Variants in ZNF155 observed in about 807,000 individuals in gnomAD.
ZNF155 encodes the protein zinc finger protein 155, also known as KRAB A domain.
A neutral mutation model predicts 11.9 loss-of-function variants in ZNF155; 15 were observed. That is an observed-to-expected ratio of 1.26 (90% CI 0.84 to 1.94). ZNF155 has a LOEUF of 1.94. Among genes scored for constraint, ZNF155 ranks in the 30% most tolerant of loss-of-function variants. ZNF155 has a pLI of 0.00. For missense variants in ZNF155, 602 were observed against 639.1 expected (o/e 0.94, Z 0.63); for synonymous variants, 212 against 219.9 (o/e 0.96, Z 0.32).
At position 43,997,195 on chromosome 19, in the gene ZNF155, C is replaced by T. The variant is rs1415979166; in HGVS notation, c.1338C>T (p.His446=). ...TTACTAAGTTTAATCTTGACTTGCA[C>T]CAGAGGGTCCACACGGGAGAGAGAC... ...GYVTKFNLDL[H]QRVHTGERPY... The change falls in exon 5 of 5, where the codon CAC becomes CAT. Residue 446 remains histidine, a synonymous_variant. Coordinates refer to ENST00000270014, the MANE Select transcript of ZNF155 (RefSeq NM_198089.3). 1 of 1,613,800 alleles carries T rather than the reference C, an allele frequency of 6.2e-7. No individual in the cohort carries two copies.
At chr19:43,986,401 G>A (rs889819366) in intron 1 of ZNF155, among the ~76,000 whole-genome samples, 10 of 149,696 alleles carry the variant, frequency 6.7e-5, no homozygotes, top group African/African-American at 2.5e-4. Context: ...GAATAAACTA[G>A]TAAACTGCCA....
At chr19:43,985,042 A>G (rs1337137332) in intron 1 of ZNF155, among the ~76,000 whole-genome samples, 2 of 152,018 alleles carry the variant, frequency 1.3e-5, no homozygotes, top group African/African-American at 4.8e-5. Flanking sequence ...AAAGTTATTT[A>G]TTTTGTTAGT....
intron 4 of ZNF155, among the ~76,000 whole-genome samples, chr19:43,995,206 G>C (rs1187741602): frequency 6.6e-6 from 1 of 151,860 alleles, no homozygotes; most frequent in African/African-American, 2.4e-5. Flanking sequence ...CTGCCTTCCA[G>C]GTTTAAGCAA....
chr19:43,996,666 T>A lies in ZNF155; in HGVS notation c.809T>A (p.Ile270Asn). 6.2e-7 allele frequency: 1 copy of A among 1,613,710 alleles called. No homozygotes were observed. ...TGTGAGGCATGTGGGAAGGCCTTCA[T>A]TCATGATTCCCAGCTTAAGGAACAT... Reference protein sequence around the residue: ...YICEACGKAFIHDSQLKEHKR... With the variant: ...YICEACGKAFNHDSQLKEHKR... The change falls in exon 5 of 5, where the codon ATT (isoleucine) becomes AAT (asparagine). Residue 270 changes from isoleucine (I) to asparagine (N), a missense_variant. Ile to Asn is a moderately radical substitution (Grantham distance 149). Coordinates refer to ENST00000270014, the MANE Select transcript of ZNF155 (RefSeq NM_198089.3).
chr19:43,989,687 A>G (rs1174077379), intron 2 of ZNF155, among the ~76,000 whole-genome samples: 1 of 152,200 alleles, frequency 6.6e-6, no homozygotes. Context: ...TCACTATGAC[A>G]TGGCATCTAC....
Position 43,996,522 on chromosome 19 carries a change from A to G in ZNF155, c.665A>G (p.His222Arg). The G allele has an allele frequency of 6.2e-7, 1 of 1,614,220 alleles. No individual in the cohort carries two copies. Among genetic ancestry groups the G allele is most frequent in the Non-Finnish European group, 8.5e-7 (1 of 1,180,022 alleles). ...EFSQSSHLQTHQRVHTGEKPF... is the reference protein window; with the variant it reads ...EFSQSSHLQTRQRVHTGEKPF... The stretch of plus-strand genomic sequence containing the variant: ...AGTCAAAGCTCACATCTGCAAACTC[A>G]TCAGAGAGTCCACACTGGAGAGAAA... The change falls in exon 5 of 5, where the codon CAT (histidine) becomes CGT (arginine). Residue 222 changes from histidine to arginine, a missense_variant. Coordinates refer to ENST00000270014, the MANE Select transcript of ZNF155 (RefSeq NM_198089.3).
In ZNF155 at chr19:43,997,453, A is replaced by T; in HGVS notation, c.1596A>T (p.Ser532=). ...KRRLNLDILL[S]LFLNDT is the part of the protein sequence containing the mutation. Reference sequence around the variant, plus strand: ...GCTTGAATCTGGATATACTTTTATCATTATTTCTAAATGACACATAATTGT... The same window carrying T: ...GCTTGAATCTGGATATACTTTTATCTTTATTTCTAAATGACACATAATTGT... Residue 532 remains serine, a synonymous_variant, in exon 5 of 5, where the codon TCA becomes TCT. Coordinates refer to ENST00000270014, the MANE Select transcript of ZNF155 (RefSeq NM_198089.3). The T allele has an allele frequency of 6.3e-7, 1 of 1,597,546 alleles. No individual in the cohort carries two copies. Among genetic ancestry groups the T allele is most frequent in the Non-Finnish European group, 8.5e-7 (1 of 1,175,624 alleles).
intron 4 of ZNF155, among the ~76,000 whole-genome samples, chr19:43,992,250 C>T (rs1261709654): frequency 6.6e-6 from 1 of 152,208 alleles, no homozygotes; most frequent in African/African-American, 2.4e-5. Flanking sequence ...CATTCTGCCT[C>T]TCTGACTACG....
Position 43,996,704 on chromosome 19 carries a change from A to C in ZNF155, c.847A>C (p.Thr283Pro), listed in dbSNP as rs1234890991. 1.9e-6 allele frequency: 3 copies of C among 1,614,164 alleles called. No homozygotes were observed. The highest frequency in any genetic ancestry group is 2.5e-6 in the Non-Finnish European group (3 of 1,180,006). Reference protein sequence around the residue: ...SQLKEHKRIHTGEKPFKCDIC... With the variant: ...SQLKEHKRIHPGEKPFKCDIC... Reference sequence around the variant, plus strand: ...GCTTAAGGAACATAAGAGAATCCATACTGGGGAGAAACCATTCAAATGTGA... The same window carrying C: ...GCTTAAGGAACATAAGAGAATCCATCCTGGGGAGAAACCATTCAAATGTGA... Residue 283 changes from threonine (T) to proline (P), a missense_variant, in exon 5 of 5, where the codon ACT becomes CCT. Coordinates refer to ENST00000270014, the MANE Select transcript of ZNF155 (RefSeq NM_198089.3).
chr19:43,988,628 T>A, intron 2 of ZNF155, 70 bp downstream of exon 2: 1 of 1,527,558 alleles, frequency 6.5e-7, no homozygotes, highest in South Asian at 1.3e-5. Flanking sequence ...TGTTTTTCTC[T>A]GTCATGAGAA....
rs534843816 is a variant in ZNF155 at position 43,991,065 on chromosome 19, A to G, written c.16-483A>G. Reference sequence around the variant, plus strand: ...TTCTATGTTTATTCTTCAAAACTATACACAAGAAAGAATGATTCAAGGCCA... The same window carrying G: ...TTCTATGTTTATTCTTCAAAACTATGCACAAGAAAGAATGATTCAAGGCCA... On this transcript the variant is annotated intron_variant, in intron 2 of 4. Coordinates refer to ENST00000270014, the MANE Select transcript of ZNF155 (RefSeq NM_198089.3). 9.2e-5 allele frequency among the ~76,000 whole-genome samples: 14 copies of G among 152,330 alleles called. No individual in the cohort carries two copies. In the South Asian group the frequency reaches 2.9e-3, roughly 32 times the overall value.
chr19:43,993,756 C>T (rs889129104), intron 4 of ZNF155, among the ~76,000 whole-genome samples: 3 of 152,176 alleles, frequency 2.0e-5, no homozygotes, highest in Non-Finnish European at 4.4e-5. Context: ...AATATATCTA[C>T]GTACCACTGT....
rs772529025 is a variant in ZNF155 at position 43,996,339 on chromosome 19, C to G, written c.482C>G (p.Pro161Arg). The G allele has an allele frequency of 1.2e-6, 2 of 1,614,038 alleles. No homozygotes were observed. Among genetic ancestry groups the G allele is most frequent in the African/African-American group, 1.3e-5 (1 of 74,912 alleles). ...GKCKQSISDV[P>R]IFDLPQQLYS... ...TGTAAACAGTCCATCAGTGATGTTCCCATCTTTGATCTTCCTCAGCAGTTA... is the reference window on the plus strand; with the variant it reads ...TGTAAACAGTCCATCAGTGATGTTCGCATCTTTGATCTTCCTCAGCAGTTA... Residue 161 changes from proline to arginine, a missense_variant, in exon 5 of 5, where the codon CCC (proline) becomes CGC (arginine). Pro to Arg is a moderately radical substitution (Grantham distance 103). Transcript: ENST00000270014.
intron 4 of ZNF155, among the ~76,000 whole-genome samples, chr19:43,994,313 C>T (rs1273364705): frequency 6.6e-6 from 1 of 152,156 alleles, no homozygotes; most frequent in African/African-American, 2.4e-5. Flanking sequence ...CACATCAATA[C>T]AGAAAAGTAA....
At chr19:43,992,644 C>T (rs1318873752) in intron 4 of ZNF155, among the ~76,000 whole-genome samples, 2 of 152,256 alleles carry the variant, frequency 1.3e-5, no homozygotes, top group East Asian at 3.8e-4. Flanking sequence ...CCTCTGCCTT[C>T]TACCTTTCAG....
intron 1 of ZNF155, among the ~76,000 whole-genome samples, chr19:43,985,247 G>C (rs976989311): frequency 1.3e-5 from 2 of 151,940 alleles, no homozygotes; most frequent in African/African-American, 4.8e-5. Flanking sequence ...TTTTAGTAGA[G>C]ACGGGGTTTC....
In ZNF155 at chr19:43,996,902, T is replaced by C. The variant is rs770625643; in HGVS notation, c.1045T>C (p.Cys349Arg). The part of the protein sequence containing the change: ...TGEKPYRCEQ[C>R]GKGFIGRLDF... ...AGAGAAACCGTACAGATGTGAGCAG[T>C]GTGGAAAAGGCTTTATTGGTAGGCT... The change falls in exon 5 of 5, where the codon TGT (cysteine) becomes CGT (arginine). Residue 349 changes from cysteine (C) to arginine (R), a missense_variant. Cys to Arg is a radical substitution (Grantham distance 180, BLOSUM62 -3). Transcript: ENST00000270014. 4.3e-6 allele frequency: 7 copies of C among 1,613,934 alleles called. No individual in the cohort carries two copies. The highest frequency in any genetic ancestry group is 2.2e-5 in the East Asian group (1 of 44,886).
At chr19:43,990,229 G>T in intron 2 of ZNF155, 1 of 607,620 alleles carries the variant, frequency 1.6e-6, no homozygotes, top group South Asian at 2.5e-5. Context: ...GAGAGAGTAA[G>T]ATGTTCTTAC....
At position 43,988,525 on chromosome 19, in the gene ZNF155, C is replaced by A. The variant is rs765881465; in HGVS notation, c.-19C>A. On this transcript the variant is annotated 5_prime_UTR_variant, in exon 2 of 5. Coordinates refer to ENST00000270014, the MANE Select transcript of ZNF155 (RefSeq NM_198089.3). The stretch of plus-strand genomic sequence containing the variant: ...TGCATCACCCAGGAGTCTGCAAATT[C>A]CCCAAAGTAGGAGGAAAAATGACCA... The A allele has an allele frequency of 6.2e-7, 1 of 1,606,822 alleles. No homozygotes were observed. The highest frequency in any genetic ancestry group is 8.5e-7 in the Non-Finnish European group (1 of 1,175,520).
Sources: allele counts gnomAD v4.1 joint callset (sites outside exome capture counted in the v4.1 genomes callset), GRCh38; gene constraint gnomAD v4.1.1; transcripts MANE v1.5; gene names NCBI Gene and HGNC (gene_info 2026-07-23, HGNC 2026-07-21).